USP24: variants seen among roughly 807,000 people sequenced by gnomAD.
USP24 encodes ubiquitin carboxyl-terminal hydrolase 24.
Under a neutral mutation model 361.6 loss-of-function variants are expected in USP24, and 97 were observed. The ratio of observed to expected loss-of-function variants is 0.27; its 90% CI spans 0.23 to 0.32. The LOEUF is 0.32. USP24 is among the 10% of genes least tolerant of loss of function. USP24 has a pLI of 1.00. For missense variants in USP24, 2,353 were observed against 3,165.6 expected (o/e 0.74, Z 6.16); for synonymous variants, 1,098 against 1,124.6 (o/e 0.98, Z 0.47).
At chr1:55,163,328 T>A (rs1368396448) in intron 7 of USP24, among the ~76,000 whole-genome samples, 2 of 151,640 alleles carry the variant, frequency 1.3e-5, no homozygotes, top group East Asian at 3.9e-4. Context: ...TCAATAAAAA[T>A]GAAAAGAAGC....
At chr1:55,094,500 T>G (rs565405700) in intron 51 of USP24, among the ~76,000 whole-genome samples, 1 of 152,126 alleles carries the variant, frequency 6.6e-6, no homozygotes, top group Non-Finnish European at 1.5e-5. Context: ...GAACAAAGTA[T>G]TGAACCAAGT....
At chr1:55,071,204 A>G in intron 67 of USP24, 6 of 987,050 alleles carry the variant, frequency 6.1e-6, no homozygotes, top group Non-Finnish European at 7.2e-6. Context: ...GGGACCACAG[A>G]GGAGACTGCT....
At chr1:55,106,105 G>C in intron 41 of USP24, 41 bp downstream of exon 41, 1 of 1,523,558 alleles carries the variant, frequency 6.6e-7, no homozygotes, top group Non-Finnish European at 9.1e-7. Flanking sequence ...TTTCAAATTA[G>C]AATTTTTACC....
At chr1:55,072,520 C>A in intron 65 of USP24, 117 bp from the exon 66 acceptor site, 2 of 852,370 alleles carry the variant, frequency 2.3e-6, no homozygotes, top group South Asian at 1.8e-5. Context: ...CAAGTCTACC[C>A]AGACCTTCCA....
intron 62 of USP24, among the ~76,000 whole-genome samples, chr1:55,076,116 G>C (rs1409201524): frequency 2.0e-5 from 3 of 151,862 alleles, no homozygotes; most frequent in Non-Finnish European, 4.4e-5. Flanking sequence ...CTATCAACTA[G>C]ATCTATAGTT....
At chr1:55,195,934 T>G (rs780788762) in intron 1 of USP24, among the ~76,000 whole-genome samples, 12 of 152,080 alleles carry the variant, frequency 7.9e-5, no homozygotes, top group Admixed American at 1.3e-4. Context: ...GTTGATAAAT[T>G]TTATGTTATG....
intron 38 of USP24, among the ~76,000 whole-genome samples, chr1:55,119,146 G>A (rs956592204): frequency 2.0e-5 from 3 of 152,048 alleles, no homozygotes; most frequent in African/African-American, 4.8e-5. Flanking sequence ...CATTCACAAC[G>A]GCCAAAAGGT....
intron 9 of USP24, 109 bp downstream of exon 9, chr1:55,159,502 G>T: frequency 1.1e-6 from 1 of 869,644 alleles, no homozygotes; most frequent in Non-Finnish European, 1.8e-6. Context: ...CGATGTGAAT[G>T]CATGTGACCA....
Position 55,215,088 on chromosome 1 carries a change from A to C in USP24, c.26T>G (p.Met9Arg). Residue 9 changes from methionine (M) to arginine (R), a missense_variant, in exon 1 of 68, where the codon ATG (methionine) becomes AGG (arginine). Met to Arg is a moderately conservative substitution (Grantham distance 91). Around this residue, in one of 8 missense-constraint regions of USP24, gnomAD observed 253 missense variants for 255.3 expected, o/e 0.99. Coordinates refer to ENST00000294383, the MANE Select transcript of USP24 (RefSeq NM_015306.3). ...GAAGCCCATGCACAGCAGCGTGGTCATGTGCTGCTCCTCCTCCGATTCCAT... is the reference window on the plus strand; with the variant it reads ...GAAGCCCATGCACAGCAGCGTGGTCCTGTGCTGCTCCTCCTCCGATTCCAT... MESEEEQHMTTLLCMGFSD... is the reference protein window; with the variant it reads MESEEEQHRTTLLCMGFSD... The C allele has an allele frequency of 7.4e-7, 1 of 1,350,896 alleles. No individual in the cohort carries two copies. Among genetic ancestry groups the C allele is most frequent in the Non-Finnish European group, 9.6e-7 (1 of 1,042,000 alleles). 83.7% of individuals were successfully genotyped at this position (1,350,896 alleles called of 1,614,324 possible). A position where few individuals can be genotyped will look rare whatever the true frequency, so the allele number is the denominator to read the frequency against.
intron 8 of USP24, among the ~76,000 whole-genome samples, chr1:55,159,961 G>C (rs934748161): frequency 6.6e-6 from 1 of 152,118 alleles, no homozygotes; most frequent in Admixed American, 6.6e-5. Context: ...AAGACACACA[G>C]TCTAACTTTT....
chr1:55,176,499 T>C, intron 2 of USP24, 56 bp from the exon 3 acceptor site: 2 of 1,467,662 alleles, frequency 1.4e-6, no homozygotes, highest in Non-Finnish European at 1.9e-6. Flanking sequence ...AGAAAGACCT[T>C]AGTAAAATGA....
intron 10 of USP24, among the ~76,000 whole-genome samples, chr1:55,157,833 CAAAAA>C (rs1179133312): frequency 2.6e-5 from 2 of 77,706 alleles, no homozygotes. Context: ...GACTCCATCT[CAAAAA>C]AAAAAAAAAA....
chr1:55,177,660 T>C (rs1187523864), intron 2 of USP24, among the ~76,000 whole-genome samples: 1 of 152,156 alleles, frequency 6.6e-6, no homozygotes, highest in African/African-American at 2.4e-5. Context: ...ATAACTTTCT[T>C]CTCTTAAAAA....
chr1:55,200,781 T>C lies in USP24; in HGVS notation c.324+14009A>G, dbSNP rs373788849. On this transcript the variant is annotated intron_variant, in intron 1 of 67. Coordinates refer to ENST00000294383, the MANE Select transcript of USP24 (RefSeq NM_015306.3). ...TCTGCAAATCTTCTCCTTACTAACG[T>C]AGAGCTCACCTAAGTGATGTAACAA... Among the ~76,000 whole-genome samples the C allele has an allele frequency of 9.3e-4, 141 of 152,314 alleles. 4 individuals are homozygous for C. In the South Asian group the frequency reaches 0.027, roughly 30 times the overall value.
chr1:55,138,847 T>A (rs1646809859), intron 25 of USP24, 97 bp downstream of exon 25: 1 of 1,355,932 alleles, frequency 7.4e-7, no homozygotes, highest in East Asian at 2.4e-5. Flanking sequence ...GGTGTGGTGG[T>A]GTGTGCTAAA....
chr1:55,076,963 T>C (rs1645041974), intron 62 of USP24, among the ~76,000 whole-genome samples: 1 of 152,110 alleles, frequency 6.6e-6, no homozygotes, highest in Admixed American at 6.6e-5. Flanking sequence ...GGGTTAACCA[T>C]CACTATCACT....
At chr1:55,078,116 C>T (rs1462853710) in intron 61 of USP24, among the ~76,000 whole-genome samples, 10 of 152,120 alleles carry the variant, frequency 6.6e-5, no homozygotes, top group Non-Finnish European at 1.5e-4. Context: ...TAAAAGAAGG[C>T]ATGCAGAAAT....
intron 38 of USP24, among the ~76,000 whole-genome samples, chr1:55,111,582 A>T (rs1645955821): frequency 6.6e-6 from 1 of 152,146 alleles, no homozygotes; most frequent in African/African-American, 2.4e-5. Context: ...ATACAAAGAT[A>T]AAAGAAGAAA....
At chr1:55,214,206 C>T (rs756413552) in intron 1 of USP24, among the ~76,000 whole-genome samples, 4 of 151,934 alleles carry the variant, frequency 2.6e-5, no homozygotes, top group Admixed American at 6.6e-5. Flanking sequence ...CAATGCCCCC[C>T]CTTTCCGACC....
Sources: gnomAD v4.1 joint callset for allele counts (sites outside exome capture counted in the v4.1 genomes callset) on GRCh38, gnomAD v4.1.1 for gene constraint, gnomAD v4.1.1 regional missense constraint, MANE v1.5 for transcripts, NCBI Gene and HGNC (gene_info 2026-07-23, HGNC 2026-07-21) for gene names.